EFTUD2: variants seen among roughly 807,000 people sequenced by gnomAD.
EFTUD2 encodes 116 kDa U5 small nuclear ribonucleoprotein component.
Under a neutral mutation model 114.3 loss-of-function variants are expected in EFTUD2, and 9 were observed. That is an observed-to-expected ratio of 0.08 (90% CI 0.05 to 0.14). EFTUD2 has a LOEUF of 0.14. EFTUD2 is among the 10% of genes least tolerant of loss of function. The probability of loss-of-function intolerance (pLI) is 1.00; values close to 1 mark genes in which losing one functional copy is unlikely to be tolerated. For missense variants in EFTUD2, 765 were observed against 1,241.2 expected (o/e 0.62, Z 5.76); for synonymous variants, 449 against 462.3 (o/e 0.97, Z 0.37).
chr17:44,854,739 G>T lies in EFTUD2; in HGVS notation c.2133-57C>A. ...GCCAGCTCTGTGATTGCTGGTCCTG[G>T]AGCCACAGACCCTCCCTTCCTGGAA... On this transcript the variant is annotated intron_variant, in intron 21 of 27. Coordinates refer to ENST00000426333, the MANE Select transcript of EFTUD2 (RefSeq NM_004247.4). This position sits in a 1 kb window ranked among gnomAD's most constrained non-coding sequence, Gnocchi z 4.3. 8.8e-6 allele frequency: 14 copies of T among 1,594,836 alleles called. No individual in the cohort carries two copies. In the South Asian group the frequency reaches 1.6e-4, roughly 18 times the overall value.
chr17:44,893,263 C>CA (rs1299169683), intron 2 of EFTUD2, among the ~76,000 whole-genome samples: 2 of 152,072 alleles, frequency 1.3e-5, no homozygotes, highest in African/African-American at 2.4e-5. Flanking sequence ...GCTGGGACTA[C>CA]AGGCACGCGC....
intron 27 of EFTUD2, 64 bp downstream of exon 27, chr17:44,851,646 A>C: frequency 7.0e-7 from 1 of 1,432,572 alleles, no homozygotes; most frequent in Non-Finnish European, 9.4e-7. Context: ...AGAAAGAGAG[A>C]GAGATCCTGC....
chr17:44,886,500 T>C (rs1377298131), intron 3 of EFTUD2, 85 bp downstream of exon 3: 1 of 1,552,208 alleles, frequency 6.4e-7, no homozygotes, highest in Non-Finnish European at 8.7e-7. Context: ...ATCAATTCAT[T>C]CACTGAACTT....
intron 20 of EFTUD2, among the ~76,000 whole-genome samples, chr17:44,856,486 T>G (rs1027169618): frequency 6.8e-6 from 1 of 147,178 alleles, no homozygotes; most frequent in African/African-American, 2.5e-5. Flanking sequence ...GGCGAGATCG[T>G]GCCACTGTAC....
At chr17:44,868,875 T>A (rs570675315) in intron 11 of EFTUD2, among the ~76,000 whole-genome samples, 1 of 152,312 alleles carries the variant, frequency 6.6e-6, no homozygotes, top group South Asian at 2.1e-4. Context: ...AAGCCAACCT[T>A]TGGCTCATCT....
intron 20 of EFTUD2, 125 bp from the exon 21 acceptor site, chr17:44,855,129 G>A (rs1199948383): frequency 6.0e-6 from 5 of 832,370 alleles, no homozygotes; most frequent in Admixed American, 1.9e-5. Flanking sequence ...GGGGCCAAGC[G>A]TGGTGGTTCA....
chr17:44,851,767 C>T lies in EFTUD2; in HGVS notation c.2766G>A (p.Glu922=), dbSNP rs1410035321. The T allele has an allele frequency of 6.2e-7, 1 of 1,604,044 alleles. No individual in the cohort carries two copies. The highest frequency in any genetic ancestry group is 1.8e-5 in the Admixed American group (1 of 57,122). The change falls in exon 27 of 28, where the codon GAG becomes GAA. Residue 922 remains glutamate (E), a synonymous_variant. Coordinates refer to ENST00000426333, the MANE Select transcript of EFTUD2 (RefSeq NM_004247.4). ...LDKSIVIRPL[E]PQPAPHLARE... ...GGGCCAGGTGAGGAGCTGGCTGTGGCTCCAAGGGGCGGATGACAATGCTCT... is the reference window on the plus strand; with the variant it reads ...GGGCCAGGTGAGGAGCTGGCTGTGGTTCCAAGGGGCGGATGACAATGCTCT...
chr17:44,881,819 GTTTC>G, intron 6 of EFTUD2, 97 bp from the exon 7 acceptor site: 1 of 1,157,096 alleles, frequency 8.6e-7, no homozygotes, highest in South Asian at 1.3e-5. Context: ...CAGCTCAAGG[GTTTC>G]TTTGAGATTA....
intron 2 of EFTUD2, among the ~76,000 whole-genome samples, chr17:44,893,870 A>C (rs1389509556): frequency 1.3e-5 from 2 of 151,498 alleles, no homozygotes; most frequent in African/African-American, 4.9e-5. Context: ...CTTCAAGACC[A>C]GCCTGGACAA....
At chr17:44,867,927 C>G in intron 12 of EFTUD2, 30 bp from the exon 13 acceptor site, 2 of 1,547,890 alleles carry the variant, frequency 1.3e-6, no homozygotes, top group Non-Finnish European at 1.7e-6. Context: ...CTGAGTGACC[C>G]AGGGGAAAAG....
intron 9 of EFTUD2, 45 bp from the exon 10 acceptor site, chr17:44,876,145 G>A (rs778511804): frequency 4.8e-5 from 75 of 1,573,914 alleles, no homozygotes; most frequent in Non-Finnish European, 6.4e-5. Flanking sequence ...AACAAGGAGG[G>A]CAGAAAGTTC....
At chr17:44,880,681 T>TA in intron 7 of EFTUD2, 37 bp from the exon 8 acceptor site, 3 of 1,546,768 alleles carry the variant, frequency 1.9e-6, no homozygotes, top group Non-Finnish European at 2.7e-6. Flanking sequence ...CCTCTTCCTA[T>TA]GCAAGAGGGG....
chr17:44,888,221 G>A (rs2051211693), intron 2 of EFTUD2, among the ~76,000 whole-genome samples: 1 of 152,174 alleles, frequency 6.6e-6, no homozygotes, highest in African/African-American at 2.4e-5. Flanking sequence ...TCACATGGGA[G>A]GCAAACAGAC....
intron 20 of EFTUD2, among the ~76,000 whole-genome samples, chr17:44,856,765 A>AC (rs1259084117): frequency 9.3e-5 from 14 of 151,028 alleles, no homozygotes; most frequent in African/African-American, 2.0e-4. Context: ...TGTCAAAAAA[A>AC]AAAAAAACAA....
At chr17:44,856,181 C>T (rs2050549868) in intron 20 of EFTUD2, among the ~76,000 whole-genome samples, 1 of 141,178 alleles carries the variant, frequency 7.1e-6, no homozygotes, top group African/African-American at 2.6e-5. Context: ...CAAGGTGGAG[C>T]AAAAAGGGCA....
intron 12 of EFTUD2, 33 bp from the exon 13 acceptor site, chr17:44,867,930 G>A (rs1285183293): frequency 2.0e-6 from 3 of 1,533,086 alleles, no homozygotes; most frequent in Admixed American, 2.1e-5. Flanking sequence ...AGTGACCCAG[G>A]GGAAAAGGCA....
intron 19 of EFTUD2, among the ~76,000 whole-genome samples, chr17:44,857,920 C>CT (rs528299306): frequency 0.021 from 2,699 of 127,454 alleles, 55 homozygotes; most frequent in Non-Finnish European, 0.028. Context: ...TTTCTTTTTC[C>CT]TTTTTTTTTT....
chr17:44,854,587 T>C lies in EFTUD2; in HGVS notation c.2228A>G (p.Asn743Ser), dbSNP rs377040821. The change falls in exon 22 of 28, where the codon AAC becomes AGC. Residue 743 changes from asparagine (N) to serine (S), a missense_variant. Asn to Ser is a conservative substitution (Grantham distance 46, BLOSUM62 1). Coordinates refer to ENST00000426333, the MANE Select transcript of EFTUD2 (RefSeq NM_004247.4). The surrounding 1 kb of genome is among the most constrained non-coding windows in gnomAD (Gnocchi z 4.3). ...WAFGPDATGP[N>S]ILVDDTLPSE... is the part of the protein sequence containing the mutation. ...GGGCAGAGTATCATCCACCAGAATG[T>C]TGGGGCCAGTCGCATCAGGGCCAAA... is the stretch of plus-strand genomic sequence containing the variant. 2 of 1,614,184 alleles carry C rather than the reference T, an allele frequency of 1.2e-6. No individual in the cohort carries two copies. The highest frequency in any genetic ancestry group is 2.2e-5 in the South Asian group (2 of 91,082).
intron 20 of EFTUD2, among the ~76,000 whole-genome samples, chr17:44,856,770 A>AC (rs1348488848): frequency 3.3e-5 from 5 of 151,988 alleles, no homozygotes; most frequent in East Asian, 1.9e-4. Context: ...AAAAAAAAAA[A>AC]AACAAAAAAA....
Sources: gnomAD v4.1 joint callset for allele counts (sites outside exome capture counted in the v4.1 genomes callset) on GRCh38, gnomAD v4.1.1 for gene constraint, Gnocchi (gnomAD v3.1) non-coding constraint, MANE v1.5 for transcripts, NCBI Gene and HGNC (gene_info 2026-07-23, HGNC 2026-07-21) for gene names.